The following INTS13 variants were observed in gnomAD, a reference collection of about 807,000 sequenced individuals.
INTS13 encodes the protein integrator complex subunit 13.
Under a neutral mutation model 90.2 loss-of-function variants are expected in INTS13, and 35 were observed. The ratio of observed to expected loss-of-function variants is 0.39; its 90% CI spans 0.30 to 0.51. The LOEUF is 0.51. Among genes scored for constraint, INTS13 ranks in the 20% least tolerant of loss-of-function variants. INTS13 has a pLI of 0.80. For synonymous variants in INTS13, 309 were observed against 277.1 expected (o/e 1.11, Z -1.14); for missense variants, 601 against 851.2 (o/e 0.71, Z 3.66).
chr12:26,914,080 C>T lies in INTS13; in HGVS notation c.1468G>A (p.Asp490Asn). Residue 490 changes from aspartate to asparagine, a missense_variant, in exon 13 of 17, where the codon GAT (aspartate) becomes AAT (asparagine). By Grantham distance (23) the Asp-to-Asn change is conservative. Transcript: ENST00000261191. ...ATTGTTTTTTGACAGTTTAACACATCTTCTTCTGTCAGAGATTCTTTCACA... is the reference window on the plus strand; with the variant it reads ...ATTGTTTTTTGACAGTTTAACACATTTTCTTCTGTCAGAGATTCTTTCACA... ...VIVKESLTEE[D>N]VLNCQKTIYN... 1 of 1,608,174 alleles carries T rather than the reference C, an allele frequency of 6.2e-7. No individual in the cohort carries two copies. Among genetic ancestry groups the T allele is most frequent in the Non-Finnish European group, 8.5e-7 (1 of 1,178,222 alleles).
intron 3 of INTS13, 68 bp downstream of exon 3, chr12:26,934,487 CA>C (rs1938359295): frequency 8.7e-7 from 1 of 1,149,004 alleles, no homozygotes; most frequent in African/African-American, 1.6e-5. Context: ...AAAAATTAGT[CA>C]TTTTTTTAAA....
At position 26,914,558 on chromosome 12, in the gene INTS13, C is replaced by T. The variant is rs751113804; in HGVS notation, c.1269G>A (p.Arg423=). 2.2e-5 allele frequency: 36 copies of T among 1,611,102 alleles called. No homozygotes were observed. The highest frequency in any genetic ancestry group is 2.9e-5 in the Non-Finnish European group (34 of 1,178,912). ...YRITDFGEFM[R]ENRLTPFLDP... ...CTAGAAAAGGAGTTAATCTGTTTTC[C>T]CTCATAAATTCACCAAAATCCTAAT... The change falls in exon 12 of 17, where the codon AGG becomes AGA. Residue 423 remains arginine (R), a synonymous_variant. Coordinates refer to ENST00000261191, the MANE Select transcript of INTS13 (RefSeq NM_018164.3).
intron 8 of INTS13, among the ~76,000 whole-genome samples, chr12:26,921,288 A>G (rs1952112556): frequency 6.6e-6 from 1 of 152,240 alleles, no homozygotes; most frequent in African/African-American, 2.4e-5. Flanking sequence ...TAGAGGAAAA[A>G]AAACTAACTT....
chr12:26,925,235 A>AT (rs1937804837), intron 6 of INTS13, among the ~76,000 whole-genome samples: 1 of 152,142 alleles, frequency 6.6e-6, no homozygotes, highest in South Asian at 2.1e-4. Context: ...ACCAGGACAT[A>AT]TATCTATATT....
intron 15 of INTS13, among the ~76,000 whole-genome samples, chr12:26,910,287 CA>C (rs1475671552): frequency 6.6e-6 from 1 of 152,178 alleles, no homozygotes; most frequent in Non-Finnish European, 1.5e-5. Context: ...GGAACATAAA[CA>C]GATTCAAGTT....
chr12:26,921,162 T>TG (rs1952108372), intron 8 of INTS13, among the ~76,000 whole-genome samples: 1 of 152,244 alleles, frequency 6.6e-6, no homozygotes, highest in South Asian at 2.1e-4. Flanking sequence ...TGCCAGTTGG[T>TG]GGCAAAGCTT....
In INTS13 at chr12:26,934,587, G is replaced by T; in HGVS notation, c.269C>A (p.Ser90Tyr). 2 of 1,613,576 alleles carry T rather than the reference G, an allele frequency of 1.2e-6. No homozygotes were observed. The highest frequency in any genetic ancestry group is 1.7e-6 in the Non-Finnish European group (2 of 1,179,676). Residue 90 changes from serine (S) to tyrosine (Y), a missense_variant, in exon 3 of 17, where the codon TCT (serine) becomes TAT (tyrosine). Ser to Tyr is a moderately radical substitution (Grantham distance 144). This residue lies in a region of INTS13 where 284 missense variants were observed against 387.7 expected (regional missense o/e 0.73). Transcript: ENST00000261191. ...TAAATTTTGGTCTTCTTGAGTCCAA[G>T]AATTTAAAACATGTGCTCCAGAGTC... ...VSDSGAHVLN[S>Y]WTQEDQNLQE... is the part of the protein sequence containing the mutation.
chr12:26,911,328 G>T lies in INTS13; in HGVS notation c.1806-11C>A. On this transcript the variant is annotated splice_polypyrimidine_tract_variant and intron_variant, in intron 14 of 16. Coordinates refer to ENST00000261191, the MANE Select transcript of INTS13 (RefSeq NM_018164.3). Reference sequence around the variant, plus strand: ...AAGATTCCTTTTAATCTTTTAGAGGGACAAATAATGAAATGTAAAGTTCAA... The same window carrying T: ...AAGATTCCTTTTAATCTTTTAGAGGTACAAATAATGAAATGTAAAGTTCAA... 1.3e-6 allele frequency: 2 copies of T among 1,590,418 alleles called. No homozygotes were observed. Among genetic ancestry groups the T allele is most frequent in the Non-Finnish European group, 8.5e-7 (1 of 1,172,224 alleles).
Position 26,922,571 on chromosome 12 carries a change from T to C in INTS13, c.889+45A>G, listed in dbSNP as rs766584007. 11 of 1,437,864 alleles carry C rather than the reference T, an allele frequency of 7.7e-6. 1 individual carries two copies. In the South Asian group the frequency reaches 1.4e-4, roughly 18 times the overall value. The allele number at this position is 1,437,864 out of a possible 1,614,324, so 89.1% of individuals were successfully genotyped here. ...ATGTGGGGGCTACTGTAATATGCTT[T>C]CATATGTTAGATCATACAAAATAAT... On this transcript the variant is annotated intron_variant, in intron 8 of 16. Transcript: ENST00000261191.
intron 3 of INTS13, among the ~76,000 whole-genome samples, chr12:26,933,108 T>TTC (rs1938286381): frequency 6.6e-6 from 1 of 152,050 alleles, no homozygotes; most frequent in South Asian, 2.1e-4. Context: ...AGAGTATAAG[T>TTC]CAAAGTTCTT....
intron 6 of INTS13, 23 bp downstream of exon 6, chr12:26,925,738 T>C (rs1470875267): frequency 1.3e-6 from 2 of 1,548,836 alleles, no homozygotes; most frequent in African/African-American, 1.4e-5. Context: ...AATAGTCTTT[T>C]CTTTCATTAT....
Position 26,905,487 on chromosome 12 carries a change from A to G in INTS13, c.*10T>C. The G allele has an allele frequency of 6.2e-7, 1 of 1,609,624 alleles. No individual in the cohort carries two copies. The highest frequency in any genetic ancestry group is 1.1e-5 in the South Asian group (1 of 89,920). On this transcript the variant is annotated 3_prime_UTR_variant, in exon 17 of 17. Coordinates refer to ENST00000261191, the MANE Select transcript of INTS13 (RefSeq NM_018164.3). ...TGCAATATGCTAAATTTAGTTCTTC[A>G]AGTCACTCTTCACTGCCGGCTGGCT...
Position 26,925,756 on chromosome 12 carries a change from C to G in INTS13, c.675+5G>C, listed in dbSNP as rs1362204134. On this transcript the variant is annotated splice_donor_5th_base_variant and intron_variant, in intron 6 of 16. Coordinates refer to ENST00000261191, the MANE Select transcript of INTS13 (RefSeq NM_018164.3). The stretch of plus-strand genomic sequence containing the variant: ...AGTCTTTTCTTTCATTATTTCAACA[C>G]TCACCTCTTTTTTAGAACGATCAGA... 1.2e-6 allele frequency: 2 copies of G among 1,600,134 alleles called. No homozygotes were observed. Among genetic ancestry groups the G allele is most frequent in the Non-Finnish European group, 1.7e-6 (2 of 1,169,192 alleles).
intron 8 of INTS13, chr12:26,918,932 T>C: frequency 5.0e-6 from 1 of 200,464 alleles, no homozygotes; most frequent in African/African-American, 2.3e-5. Context: ...GCTTTGTGAG[T>C]CCTAAGTGGG....
At chr12:26,921,844 C>T (rs577230706) in intron 8 of INTS13, among the ~76,000 whole-genome samples, 17 of 152,276 alleles carry the variant, frequency 1.1e-4, no homozygotes, top group Non-Finnish European at 1.9e-4. Flanking sequence ...TTAGTAGAGA[C>T]GGGCCTTCGC....
At position 26,913,647 on chromosome 12, in the gene INTS13, G is replaced by C; in HGVS notation, c.1615C>G (p.Leu539Val). Residue 539 changes from leucine to valine, a missense_variant, in exon 14 of 17, where the codon CTT (leucine) becomes GTT (valine). By Grantham distance (32) the Leu-to-Val change is conservative. Transcript: ENST00000261191. The stretch of plus-strand genomic sequence containing the variant: ...GAGTTGTTGATATGGGCTCTGACAA[G>C]GGTTTCTAATTCATTCCACATGATA... ...YRIMWNELETLVRAHINNSEK... is the reference protein window; with the variant it reads ...YRIMWNELETVVRAHINNSEK... 1 of 1,613,982 alleles carries C rather than the reference G, an allele frequency of 6.2e-7. No homozygotes were observed. The highest frequency in any genetic ancestry group is 1.1e-5 in the South Asian group (1 of 91,076).
rs776151698 is a variant in INTS13 at position 26,914,432 on chromosome 12, T to C, written c.1395A>G (p.Gln465=). Residue 465 remains glutamine (Q), a synonymous_variant, in exon 12 of 17, where the codon CAA becomes CAG. Transcript: ENST00000261191. ...CCGCTTGCATGTTAAAAATGGTGGT[T>C]TGTGAAATGATCATAGGCCAGTAAC... is the stretch of plus-strand genomic sequence containing the variant. ...HTRYWPMIIS[Q]TTIFNMQAVV... 6.4e-5 allele frequency: 103 copies of C among 1,613,274 alleles called. No individual in the cohort carries two copies. Among genetic ancestry groups the C allele is most frequent in the Non-Finnish European group, 8.1e-5 (96 of 1,179,772 alleles).
chr12:26,928,598 T>C (rs1388285479), intron 4 of INTS13, 105 bp downstream of exon 4: 6 of 1,158,106 alleles, frequency 5.2e-6, no homozygotes, highest in East Asian at 4.8e-5. Flanking sequence ...ACTTGTAATA[T>C]GCTTAAACGT....
chr12:26,922,374 T>C (rs546460893), intron 8 of INTS13, among the ~76,000 whole-genome samples: 2 of 152,368 alleles, frequency 1.3e-5, no homozygotes, highest in South Asian at 2.1e-4. Flanking sequence ...TATATTGTTA[T>C]AATTGTTCAA....
Sources: allele counts gnomAD v4.1 joint callset (sites outside exome capture counted in the v4.1 genomes callset), GRCh38; gene constraint gnomAD v4.1.1; regional missense constraint gnomAD v4.1.1; transcripts MANE v1.5; gene names NCBI Gene and HGNC (gene_info 2026-07-23, HGNC 2026-07-21).